Variants in ASCC3 observed in about 807,000 individuals in gnomAD.
The protein encoded by ASCC3 is ASC-1 complex subunit P200.
In ASCC3, 158 loss-of-function variants were observed where a neutral mutation model predicts 256.3. The observed-to-expected ratio is 0.62, with a 90% confidence interval of 0.54 to 0.70. The LOEUF (loss-of-function observed/expected upper bound fraction) is 0.70, where lower values mean the gene tolerates loss of function less well. ASCC3 is among the 30% of genes least tolerant of loss of function. ASCC3 has a pLI of 0.00. For missense variants in ASCC3, 2,259 were observed against 2,626.0 expected (o/e 0.86, Z 3.05); for synonymous variants, 948 against 883.4 (o/e 1.07, Z -1.30).
At chr6:100,716,380 G>A (rs1779087691) in intron 12 of ASCC3, among the ~76,000 whole-genome samples, 1 of 151,804 alleles carries the variant, frequency 6.6e-6, no homozygotes, top group Admixed American at 6.6e-5. Flanking sequence ...TAACCCAAAG[G>A]AGTAGGCATG....
intron 34 of ASCC3, among the ~76,000 whole-genome samples, chr6:100,595,747 C>T (rs1772260272): frequency 6.6e-6 from 1 of 152,106 alleles, no homozygotes; most frequent in Non-Finnish European, 1.5e-5. Context: ...TCTCCTTGTG[C>T]TTCCTTTATT....
intron 13 of ASCC3, among the ~76,000 whole-genome samples, chr6:100,695,726 T>C (rs1232760972): frequency 6.6e-6 from 1 of 152,118 alleles, no homozygotes; most frequent in African/African-American, 2.4e-5. Flanking sequence ...CTCCTCTCTT[T>C]CTCTCTCCAG....
intron 14 of ASCC3, among the ~76,000 whole-genome samples, chr6:100,667,167 A>G (rs1776516852): frequency 6.6e-6 from 1 of 152,222 alleles, no homozygotes; most frequent in African/African-American, 2.4e-5. Context: ...GATACTACAC[A>G]TTCCCTGAAT....
At chr6:100,762,624 A>T (rs997886775) in intron 10 of ASCC3, among the ~76,000 whole-genome samples, 3 of 152,216 alleles carry the variant, frequency 2.0e-5, no homozygotes, top group Non-Finnish European at 4.4e-5. Flanking sequence ...CCTAACAGTA[A>T]ATCTTATAAT....
chr6:100,645,680 A>T (rs931684450), intron 22 of ASCC3, among the ~76,000 whole-genome samples: 1 of 152,196 alleles, frequency 6.6e-6, no homozygotes, highest in Admixed American at 6.5e-5. Context: ...AACTGGTACA[A>T]AAATAGATCT....
In ASCC3 at chr6:100,634,767, T is replaced by C. The variant is rs539031762; in HGVS notation, c.4123-3554A>G. 4.4e-3 allele frequency among the ~76,000 whole-genome samples: 649 copies of C among 148,184 alleles called. 4 individuals carry two copies. The highest frequency in any genetic ancestry group is 8.0e-3 in the Non-Finnish European group (543 of 67,706). Reference sequence around the variant, plus strand: ...CCGGGCATGTGGCACAAACCTGTAGTCCCAGCTACTCAGGAGGCTGAGGCA... The same window carrying C: ...CCGGGCATGTGGCACAAACCTGTAGCCCCAGCTACTCAGGAGGCTGAGGCA... On this transcript the variant is annotated intron_variant, in intron 25 of 41. Transcript: ENST00000369162.
At chr6:100,844,553 A>G (rs955404312) in intron 4 of ASCC3, among the ~76,000 whole-genome samples, 1 of 152,134 alleles carries the variant, frequency 6.6e-6, no homozygotes, top group Non-Finnish European at 1.5e-5. Flanking sequence ...TTAAGAAAAT[A>G]ACATGGAATA....
In ASCC3 at chr6:100,767,362, T is replaced by C; in HGVS notation, c.1396-17A>G. ...CTGTCCGATCTAAAAAAAAAAGGCA[T>C]CACCCATTATAAATAGTAACAATGT... On this transcript the variant is annotated splice_polypyrimidine_tract_variant and intron_variant, in intron 8 of 41. Transcript: ENST00000369162. 6.2e-7 allele frequency: 1 copy of C among 1,605,020 alleles called. No individual in the cohort carries two copies. Among genetic ancestry groups the C allele is most frequent in the Non-Finnish European group, 8.5e-7 (1 of 1,172,910 alleles).
chr6:100,628,104 A>C (rs1025172134), intron 27 of ASCC3, 117 bp from the exon 28 acceptor site: 43 of 993,116 alleles, frequency 4.3e-5, no homozygotes, highest in Middle Eastern at 2.3e-4. Context: ...AAAAAAAAAC[A>C]AAAAAAAAGC....
At chr6:100,516,419 T>C in intron 38 of ASCC3, 92 bp from the exon 39 acceptor site, 1 of 1,459,492 alleles carries the variant, frequency 6.9e-7, no homozygotes, top group East Asian at 2.4e-5. Context: ...TAGCTTTTTT[T>C]GTTTTAATTA....
chr6:100,638,150 T>C (rs1228312954), intron 25 of ASCC3, among the ~76,000 whole-genome samples: 1 of 152,168 alleles, frequency 6.6e-6, no homozygotes, highest in African/African-American at 2.4e-5. Context: ...TACTCCAACC[T>C]TCAGTAGCCA....
intron 10 of ASCC3, among the ~76,000 whole-genome samples, chr6:100,730,784 C>T (rs1349008316): frequency 6.6e-6 from 1 of 152,152 alleles, no homozygotes; most frequent in African/African-American, 2.4e-5. Context: ...CCCCTTGGGA[C>T]TCTACAACAA....
intron 4 of ASCC3, among the ~76,000 whole-genome samples, chr6:100,821,843 TA>T (rs1479425056): frequency 6.6e-6 from 1 of 151,216 alleles, no homozygotes; most frequent in Admixed American, 6.6e-5. Context: ...AATAAAAAAA[TA>T]AAAAAATGAA....
chr6:100,800,473 A>C lies in ASCC3; in HGVS notation c.954T>G (p.Ala318=). 6.2e-7 allele frequency: 1 copy of C among 1,611,648 alleles called. No homozygotes were observed. The highest frequency in any genetic ancestry group is 8.5e-7 in the Non-Finnish European group (1 of 1,178,856). ...DNCKKILGEN[A]KPNYGCQVTI... ...TGACTTGACAACCATAATTGGGTTT[A>C]GCATTTTCTCCTAAAATTTTTTTAC... The change falls in exon 6 of 42, where the codon GCT becomes GCG. Residue 318 remains alanine, a synonymous_variant. Coordinates refer to ENST00000369162, the MANE Select transcript of ASCC3 (RefSeq NM_006828.4).
At chr6:100,715,154 AG>A (rs1160872171) in intron 13 of ASCC3, 2 of 198,248 alleles carry the variant, frequency 1.0e-5, no homozygotes, top group Non-Finnish European at 2.0e-5. Context: ...CAAACAATAC[AG>A]AACTTTATTA....
intron 10 of ASCC3, among the ~76,000 whole-genome samples, chr6:100,748,372 G>T (rs1055513441): frequency 6.6e-6 from 1 of 151,818 alleles, no homozygotes; most frequent in Non-Finnish European, 1.5e-5. Flanking sequence ...TGTTGAAAGC[G>T]AATTATGTAC....
rs1779587107 is a variant in ASCC3 at position 100,725,720 on chromosome 6, A to AT, written c.1738-18dup. ...CACAAGCATCTATAAGAGAAGACAC[A>AT]TTTTAAAAGGGGAAAGTTACATAGG... On this transcript the variant is annotated splice_polypyrimidine_tract_variant and intron_variant, in intron 10 of 41. Coordinates refer to ENST00000369162, the MANE Select transcript of ASCC3 (RefSeq NM_006828.4). 6.2e-7 allele frequency: 1 copy of AT among 1,611,708 alleles called. No individual in the cohort carries two copies. The highest frequency in any genetic ancestry group is 8.5e-7 in the Non-Finnish European group (1 of 1,178,488).
intron 30 of ASCC3, among the ~76,000 whole-genome samples, chr6:100,624,810 T>A (rs569622846): frequency 3.5e-4 from 53 of 152,036 alleles, no homozygotes; most frequent in South Asian, 8.3e-4. Flanking sequence ...AGGGAAAGGA[T>A]AATAACAGGT....
chr6:100,593,684 G>T lies in ASCC3; in HGVS notation c.5304-3625C>A, dbSNP rs1042754182. 2.0e-5 allele frequency among the ~76,000 whole-genome samples: 3 copies of T among 152,098 alleles called. No individual in the cohort carries two copies. The East Asian group carries it at 5.8e-4, about 29-fold the overall frequency. On this transcript the variant is annotated intron_variant, in intron 34 of 41. Coordinates refer to ENST00000369162, the MANE Select transcript of ASCC3 (RefSeq NM_006828.4). ...GCTGCTGCTATAACTGTCAGTAGTG[G>T]GAAGTCATTTGTTACAGCACCATTT...
Sources: gnomAD v4.1 joint callset for allele counts (sites outside exome capture counted in the v4.1 genomes callset) on GRCh38, gnomAD v4.1.1 for gene constraint, MANE v1.5 for transcripts, NCBI Gene and HGNC (gene_info 2026-07-23, HGNC 2026-07-21) for gene names.